DIPK2B: variants seen among roughly 807,000 people sequenced by gnomAD.
DIPK2B encodes divergent protein kinase domain 2B.
In DIPK2B, 15 loss-of-function variants were observed where a neutral mutation model predicts 22.2. The ratio of observed to expected loss-of-function variants is 0.68; its 90% CI spans 0.45 to 1.04. The LOEUF (loss-of-function observed/expected upper bound fraction) is 1.04, where lower values mean the gene tolerates loss of function less well. DIPK2B is among the 50% of genes least tolerant of loss of function. The pLI is 0.00. For missense variants in DIPK2B, 345 were observed against 348.3 expected, an observed-to-expected ratio of 0.99 and a Z score of 0.08; for synonymous variants, 163 against 153.2, an observed-to-expected ratio of 1.06 and a Z score of -0.47.
intron 2 of DIPK2B, among the ~76,000 whole-genome samples, chrX:45,161,561 TG>T (rs781356449): frequency 8.9e-6 from 1 of 112,649 alleles, no homozygotes; most frequent in South Asian, 3.6e-4. Flanking sequence ...AAGTGTATTT[TG>T]ATCTTGTTTA....
At chrX:45,179,911 G>A (rs1276597136) in intron 2 of DIPK2B, among the ~76,000 whole-genome samples, 1 of 111,661 alleles carries the variant, frequency 9.0e-6, no homozygotes, top group Non-Finnish European at 1.9e-5. Context: ...CAATAAACTA[G>A]AGTAGAAGGA....
intron 2 of DIPK2B, chrX:45,163,240 G>A (rs1244888831): frequency 1.6e-5 from 4 of 252,295 alleles, no homozygotes; most frequent in Non-Finnish European, 1.6e-5. Flanking sequence ...CCTGCCCAAA[G>A]GTTTACAGAT....
chrX:45,170,289 A>G (rs1044762945), intron 2 of DIPK2B, among the ~76,000 whole-genome samples: 1 of 109,334 alleles, frequency 9.1e-6, no homozygotes, highest in Non-Finnish European at 1.9e-5. Flanking sequence ...GGATCCGGAA[A>G]GAGGATGCCC....
chrX:45,171,249 G>A (rs1453330146), intron 2 of DIPK2B, among the ~76,000 whole-genome samples: 1 of 110,573 alleles, frequency 9.0e-6, no homozygotes, highest in Non-Finnish European at 1.9e-5. Flanking sequence ...CTGTGTGAGC[G>A]TGACCCTGCC....
In DIPK2B at chrX:45,151,632, G is replaced by A. The variant is rs1243107308; in HGVS notation, c.*20C>T. 1 of 1,191,960 alleles carries A rather than the reference G, an allele frequency of 8.4e-7. No homozygotes were observed. Among genetic ancestry groups the A allele is most frequent in the Admixed American group, 2.2e-5 (1 of 44,958 alleles). Reference sequence around the variant, plus strand: ...GAGAGCCAAGCGTGTTGTCCCCAAGGCCAGCTAGACACCAGCCCTTCAGAA... The same window carrying A: ...GAGAGCCAAGCGTGTTGTCCCCAAGACCAGCTAGACACCAGCCCTTCAGAA... On this transcript the variant is annotated 3_prime_UTR_variant, in exon 5 of 5. Transcript: ENST00000398000.
chrX:45,192,038 A>G (rs777851800), intron 1 of DIPK2B, 23 bp from the exon 2 acceptor site: 119 of 1,187,905 alleles, frequency 1.0e-4, no homozygotes, highest in Non-Finnish European at 1.3e-4. Context: ...TAGCCCTTTG[A>G]GGATTGGCCT....
chrX:45,181,672 C>G (rs1217812330), intron 2 of DIPK2B, among the ~76,000 whole-genome samples: 2 of 111,700 alleles, frequency 1.8e-5, no homozygotes, highest in Non-Finnish European at 3.8e-5. Flanking sequence ...CCCTTAACAC[C>G]TACTGTACAT....
chrX:45,199,153 A>G (rs1194047041), intron 1 of DIPK2B, among the ~76,000 whole-genome samples: 1 of 112,362 alleles, frequency 8.9e-6, no homozygotes, highest in African/African-American at 3.2e-5. Flanking sequence ...AGTCCACACC[A>G]ACTCCATAAA....
intron 2 of DIPK2B, among the ~76,000 whole-genome samples, chrX:45,189,079 G>C (rs1230850095): frequency 1.8e-5 from 2 of 112,018 alleles, no homozygotes; most frequent in Non-Finnish European, 3.8e-5. Flanking sequence ...TAAAAAAATA[G>C]ATTTTGTCTC....
intron 2 of DIPK2B, among the ~76,000 whole-genome samples, chrX:45,159,406 C>T (rs1025154115): frequency 9.0e-6 from 1 of 111,568 alleles, no homozygotes; most frequent in African/African-American, 3.3e-5. Context: ...GTCAGTTGCT[C>T]CAAGTCACAT....
At chrX:45,155,777 T>A (rs933445855) in intron 3 of DIPK2B, among the ~76,000 whole-genome samples, 1 of 109,994 alleles carries the variant, frequency 9.1e-6, no homozygotes, top group African/African-American at 3.3e-5. Flanking sequence ...TTTTCTTGAC[T>A]ATTTCTTAAA....
chrX:45,156,132 AT>A (rs59628688), intron 3 of DIPK2B, among the ~76,000 whole-genome samples: 8 of 101,619 alleles, frequency 7.9e-5, no homozygotes, highest in East Asian at 3.1e-4. Flanking sequence ...GTGCCTGGCT[AT>A]TTTTTTTTTG....
chrX:45,160,554 T>C (rs2148335517), intron 2 of DIPK2B, among the ~76,000 whole-genome samples: 1 of 111,694 alleles, frequency 9.0e-6, no homozygotes, highest in South Asian at 3.7e-4. Context: ...AAAAGATTTC[T>C]TGAAAGATAG....
At chrX:45,155,927 GC>G (rs1478115391) in intron 3 of DIPK2B, among the ~76,000 whole-genome samples, 1 of 101,755 alleles carries the variant, frequency 9.8e-6, no homozygotes, top group African/African-American at 3.6e-5. Flanking sequence ...AAGAACCCGT[GC>G]CCATTTGAGT....
chrX:45,159,221 G>A (rs2047010901), intron 2 of DIPK2B, among the ~76,000 whole-genome samples: 2 of 111,449 alleles, frequency 1.8e-5, no homozygotes, highest in Admixed American at 1.9e-4. Context: ...GGGAGAGATA[G>A]GACACTAATT....
In DIPK2B at chrX:45,165,448, A is replaced by G. The variant is rs909655806; in HGVS notation, c.499-7560T>C. On this transcript the variant is annotated intron_variant, in intron 2 of 4. Coordinates refer to ENST00000398000, the MANE Select transcript of DIPK2B (RefSeq NM_176819.4). Reference sequence around the variant, plus strand: ...AGTTGCTGACTCCTCACATCACATCACATCTCGGAGCCCACTCCAAGGAGG... The same window carrying G: ...AGTTGCTGACTCCTCACATCACATCGCATCTCGGAGCCCACTCCAAGGAGG... Among the ~76,000 whole-genome samples, 14 of 111,409 alleles carry G rather than the reference A, an allele frequency of 1.3e-4. No individual in the cohort carries two copies. In the Middle Eastern group the frequency reaches 0.014, roughly 110 times the overall value.
At chrX:45,185,366 T>TA (rs1167450672) in intron 2 of DIPK2B, among the ~76,000 whole-genome samples, 1 of 111,494 alleles carries the variant, frequency 9.0e-6, no homozygotes, top group Non-Finnish European at 1.9e-5. Flanking sequence ...CTTGATTTTT[T>TA]AAAAAAGGGG....
At position 45,151,991 on chromosome X, in the gene DIPK2B, G is replaced by C; in HGVS notation, c.963C>G (p.Gly321=). 8.6e-7 allele frequency: 1 copy of C among 1,161,941 alleles called. No homozygotes were observed. Among genetic ancestry groups the C allele is most frequent in the Non-Finnish European group, 1.2e-6 (1 of 869,088 alleles). ...CTCCTGCCCTGTTGGCTTCTTGGCT[G>C]CCTAGAAAAGAAATGGGAAGTATTA... is the stretch of plus-strand genomic sequence containing the variant. ...SAVGVIDKQE[G]SQEANRAGEN... Residue 321 remains glycine, a splice_region_variant and synonymous_variant, in exon 5 of 5, where the codon GGC becomes GGG. Transcript: ENST00000398000.
At chrX:45,174,535 T>C (rs780038449) in intron 2 of DIPK2B, among the ~76,000 whole-genome samples, 2 of 109,927 alleles carry the variant, frequency 1.8e-5, no homozygotes, top group Admixed American at 2.0e-4. Flanking sequence ...CCAGGTAGGC[T>C]TCACAGAAGA....
Sources: gnomAD v4.1 joint callset for allele counts (sites outside exome capture counted in the v4.1 genomes callset) on GRCh38, gnomAD v4.1.1 for gene constraint, MANE v1.5 for transcripts, NCBI Gene and HGNC (gene_info 2026-07-23, HGNC 2026-07-21) for gene names.